The following LENG8 variants were observed in gnomAD, a reference collection of about 807,000 sequenced individuals.
The protein encoded by LENG8 is leukocyte receptor cluster member 8.
In LENG8, 28 loss-of-function variants were observed where a neutral mutation model predicts 102.1. The observed-to-expected ratio is 0.27, with a 90% CI of 0.20 to 0.38. LENG8 has a LOEUF of 0.38. Among genes scored for constraint, LENG8 ranks in the 10% least tolerant of loss-of-function variants. The probability of loss-of-function intolerance (pLI) is 1.00; values close to 1 mark genes in which losing one functional copy is unlikely to be tolerated. For synonymous variants in LENG8, 531 were observed against 456.7 expected (o/e 1.16, Z -2.07); for missense variants, 1,022 against 1,113.9 (o/e 0.92, Z 1.17).
intron 15 of LENG8, chr19:54,460,229 G>T: frequency 7.8e-7 from 1 of 1,286,850 alleles, no homozygotes. Context: ...TGTGGAAGAG[G>T]GTTCAGGGAG....
rs919151900 is a variant in LENG8, at chr19:54,459,826, G to A, written c.2241-940G>A. ...GTGCACAGAGCTCCATGACCAGCTTGGGAAGTTAGAAGGAAGGGGAGGCAG... is the reference window on the plus strand; with the variant it reads ...GTGCACAGAGCTCCATGACCAGCTTAGGAAGTTAGAAGGAAGGGGAGGCAG... On this transcript the variant is annotated intron_variant, in intron 15 of 15. Transcript: ENST00000326764. The A allele has an allele frequency of 1.0e-5, 12 of 1,159,514 alleles. No homozygotes were observed. The African/African-American group carries it at 1.5e-4, about 14-fold the overall frequency. The allele number at this position is 1,159,514 out of a possible 1,614,324, so 71.8% of individuals were successfully genotyped here.
At chr19:54,452,523 C>T in intron 3 of LENG8, 128 bp from the exon 4 acceptor site, 4 of 800,120 alleles carry the variant, frequency 5.0e-6, no homozygotes, top group East Asian at 2.5e-5. Flanking sequence ...GACAGTGGCT[C>T]ACTTTGCAGA....
At chr19:54,453,798 CAG>C in intron 5 of LENG8, 142 bp downstream of exon 5, 2 of 645,098 alleles carry the variant, frequency 3.1e-6, no homozygotes, top group Non-Finnish European at 5.4e-6. Context: ...ATGAGGAGGA[CAG>C]AGCATAGTGT....
At chr19:54,454,777 G>C in intron 6 of LENG8, 95 bp downstream of exon 6, 1 of 1,460,012 alleles carries the variant, frequency 6.8e-7, no homozygotes, top group South Asian at 1.3e-5. Context: ...CCTTGTTTCT[G>C]GGTGTTGTGA....
At position 54,460,317 on chromosome 19, in the gene LENG8, TG is replaced by T. The variant is rs540771802; in HGVS notation, c.2241-448del. 520 of 1,236,348 alleles carry T rather than the reference TG, an allele frequency of 4.2e-4. 6 individuals carry two copies. In the Admixed American group the frequency reaches 0.011, roughly 25 times the overall value. 76.6% of individuals were successfully genotyped at this position (1,236,348 alleles called of 1,614,324 possible). On this transcript the variant is annotated intron_variant, in intron 15 of 15. Transcript: ENST00000326764. ...CAGCCGGAAGTGACTGCTTTCAGTG[TG>T]TAGTGGTGAGTGCTAGCTGGCACCC...
rs959649763 is a variant in LENG8, at chr19:54,461,370, C to T, written c.*442C>T. Reference sequence around the variant, plus strand: ...CGGGGGCACCCAGCAAGCCCGCCCACCGCCCGCTGCCTCACCTGCTTCGCC... The same window carrying T: ...CGGGGGCACCCAGCAAGCCCGCCCATCGCCCGCTGCCTCACCTGCTTCGCC... On this transcript the variant is annotated 3_prime_UTR_variant, in exon 16 of 16. Coordinates refer to ENST00000326764, the MANE Select transcript of LENG8 (RefSeq NM_052925.4). The T allele has an allele frequency of 5.2e-5, 24 of 458,322 alleles. No individual in the cohort carries two copies. The highest frequency in any genetic ancestry group is 7.9e-5 in the Non-Finnish European group (18 of 228,502). The allele number at this position is 458,322 out of a possible 1,614,324, so 28.4% of individuals were successfully genotyped here. A position where few individuals can be genotyped will look rare whatever the true frequency, so the allele number is the denominator to read the frequency against.
Position 54,460,760 on chromosome 19 carries a change from C to G in LENG8, c.2241-6C>G, listed in dbSNP as rs2084501312. The G allele has an allele frequency of 1.1e-6, 1 of 918,430 alleles. No individual in the cohort carries two copies. The highest frequency in any genetic ancestry group is 5.9e-5 in the East Asian group (1 of 17,072). 56.9% of individuals were successfully genotyped at this position (918,430 alleles called of 1,614,324 possible). On this transcript the variant is annotated splice_region_variant and splice_polypyrimidine_tract_variant and intron_variant, in intron 15 of 15. Coordinates refer to ENST00000326764, the MANE Select transcript of LENG8 (RefSeq NM_052925.4). ...GCCTCATCACCTTCTCCTCTTGTCTCCATAGCTTCCGCCCTGCGCTGCCAG... is the reference window on the plus strand; with the variant it reads ...GCCTCATCACCTTCTCCTCTTGTCTGCATAGCTTCCGCCCTGCGCTGCCAG...
Position 54,460,946 on chromosome 19 carries a change from G to A in LENG8, c.*18G>A. Reference sequence around the variant, plus strand: ...CCTTCTGAGCACCCAGCGAGGAGGGGCGGGGGCAGGGGCTGCAGCCCCCAG... The same window carrying A: ...CCTTCTGAGCACCCAGCGAGGAGGGACGGGGGCAGGGGCTGCAGCCCCCAG... On this transcript the variant is annotated 3_prime_UTR_variant, in exon 16 of 16. Transcript: ENST00000326764. 1 of 1,527,288 alleles carries A rather than the reference G, an allele frequency of 6.5e-7. No individual in the cohort carries two copies. Among genetic ancestry groups the A allele is most frequent in the Non-Finnish European group, 8.8e-7 (1 of 1,139,714 alleles). 94.6% of individuals were successfully genotyped at this position (1,527,288 alleles called of 1,614,324 possible). A position where few individuals can be genotyped will look rare whatever the true frequency, so the allele number is the denominator to read the frequency against.
At position 54,456,718 on chromosome 19, in the gene LENG8, C is replaced by T; in HGVS notation, c.1528C>T (p.Gln510Ter). 4 of 1,612,916 alleles carry T rather than the reference C, an allele frequency of 2.5e-6. No homozygotes were observed. Among genetic ancestry groups the T allele is most frequent in the Non-Finnish European group, 2.5e-6 (3 of 1,179,638 alleles). ...GGACCCGGAGCGAGAGCTGAAGAAG[C>T]AGAAGCGGGCAGCCCGCTTCCAGCA... ...CEDPERELKK[Q>*]KRAARFQHGH... Residue 510 changes from glutamine to a stop codon, truncating the protein, a stop_gained, in exon 11 of 16, where the codon CAG becomes TAG. Coordinates refer to ENST00000326764, the MANE Select transcript of LENG8 (RefSeq NM_052925.4). LOFTEE classifies it high-confidence loss of function.
At chr19:54,456,528 GAGA>G (rs962536437) in intron 10 of LENG8, 63 bp downstream of exon 10, 32 of 1,543,280 alleles carry the variant, frequency 2.1e-5, no homozygotes, top group South Asian at 1.8e-4. Context: ...GGACCCATGG[GAGA>G]AGGAGGAGGA....
At chr19:54,453,171 C>T (rs571549669) in intron 4 of LENG8, among the ~76,000 whole-genome samples, 5 of 152,254 alleles carry the variant, frequency 3.3e-5, no homozygotes, top group Middle Eastern at 3.4e-3. Flanking sequence ...CTGTCCCTCT[C>T]CCTTTCTTTG....
At chr19:54,459,086 C>G in intron 15 of LENG8, 1 of 1,384,674 alleles carries the variant, frequency 7.2e-7, no homozygotes, top group Non-Finnish European at 9.3e-7. Context: ...TTGCGCCTGG[C>G]TTGCTGTGGG....
rs148183739 is a variant in LENG8, at chr19:54,456,485, C to T, written c.1445+20C>T. ...GAAGAGGTGAGACTGTGTGAGGGCTCGACACACGGGCCAGGGTGGAGGAGG... is the reference window on the plus strand; with the variant it reads ...GAAGAGGTGAGACTGTGTGAGGGCTTGACACACGGGCCAGGGTGGAGGAGG... On this transcript the variant is annotated intron_variant, in intron 10 of 15. Coordinates refer to ENST00000326764, the MANE Select transcript of LENG8 (RefSeq NM_052925.4). 1.8e-3 allele frequency: 2,934 copies of T among 1,591,174 alleles called. 43 individuals carry two copies. In the African/African-American group the frequency reaches 0.033, roughly 18 times the overall value.
Position 54,455,063 on chromosome 19 carries a change from G to C in LENG8, c.792G>C (p.Gln264His), listed in dbSNP as rs2084155411. The C allele has an allele frequency of 6.2e-7, 1 of 1,614,046 alleles. No homozygotes were observed. Among genetic ancestry groups the C allele is most frequent in the Admixed American group, 1.7e-5 (1 of 59,992 alleles). The change falls in exon 7 of 16, where the codon CAG (glutamine) becomes CAC (histidine). Residue 264 changes from glutamine (Q) to histidine (H), a missense_variant. Coordinates refer to ENST00000326764, the MANE Select transcript of LENG8 (RefSeq NM_052925.4). ...GCCAGCACAGTGGTTTTGGCCCCCA[G>C]CCCAACCCTGAGAAAGTTCAGAACC... ...AEGQHSGFGP[Q>H]PNPEKVQNHS...
chr19:54,450,129 C>T (rs959698619), intron 1 of LENG8, among the ~76,000 whole-genome samples: 1 of 152,192 alleles, frequency 6.6e-6, no homozygotes, highest in Non-Finnish European at 1.5e-5. Context: ...ACTCTTAATT[C>T]GTTGAACATG....
rs773478025 is a variant in LENG8 at position 54,458,441 on chromosome 19, T to A, written c.2160T>A (p.His720Gln). 5 of 1,614,164 alleles carry A rather than the reference T, an allele frequency of 3.1e-6. No homozygotes were observed. The Admixed American group carries it at 8.3e-5, about 27-fold the overall frequency. Residue 720 changes from histidine (H) to glutamine (Q), a missense_variant, in exon 15 of 16, where the codon CAT (histidine) becomes CAA (glutamine). Physicochemically the swap from His to Gln is conservative, Grantham distance 24 (BLOSUM62 0). Coordinates refer to ENST00000326764, the MANE Select transcript of LENG8 (RefSeq NM_052925.4). ...NYHRFFRLYC[H>Q]APCMSGYLVD... ...ACCGCTTTTTCCGGCTCTACTGCCA[T>A]GCACCCTGCATGTCTGGCTACCTCG...
intron 8 of LENG8, 41 bp from the exon 9 acceptor site, chr19:54,455,926 T>C: frequency 1.3e-6 from 2 of 1,579,648 alleles, no homozygotes; most frequent in Non-Finnish European, 8.6e-7. Context: ...CCTGCCAGTG[T>C]CTGGCGGGGT....
chr19:54,450,666 A>G (rs1000163558), intron 1 of LENG8, among the ~76,000 whole-genome samples: 12 of 127,602 alleles, frequency 9.4e-5, no homozygotes, highest in African/African-American at 3.7e-4. Context: ...CTTGTTGCCC[A>G]GGCTGGAGAG....
intron 1 of LENG8, 185 bp downstream of exon 1, chr19:54,449,495 C>G (rs891151467): frequency 2.6e-5 from 4 of 152,092 alleles, no homozygotes; most frequent in African/African-American, 7.2e-5. Flanking sequence ...CGCGTTCGGG[C>G]ACTAGCGCGC....
Sources: gnomAD v4.1 joint callset for allele counts (sites outside exome capture counted in the v4.1 genomes callset) on GRCh38, gnomAD v4.1.1 for gene constraint, MANE v1.5 for transcripts, NCBI Gene and HGNC (gene_info 2026-07-23, HGNC 2026-07-21) for gene names.